The following TMEM135 variants were observed in gnomAD, a reference collection of about 807,000 sequenced individuals.
TMEM135 encodes the protein peroxisomal membrane protein 52.
Under a neutral mutation model 60.3 loss-of-function variants are expected in TMEM135, and 30 were observed. The ratio of observed to expected loss-of-function variants is 0.50; its 90% CI spans 0.37 to 0.68. The LOEUF (loss-of-function observed/expected upper bound fraction) is 0.68. Ranked by LOEUF, TMEM135 falls within the 30% of genes least tolerant of loss-of-function variation. The pLI is 0.00. For synonymous variants in TMEM135, 190 were observed against 186.7 expected, an observed-to-expected ratio of 1.02 and a Z score of -0.14; for missense variants, 468 against 548.8, an observed-to-expected ratio of 0.85 and a Z score of 1.47.
intron 6 of TMEM135, among the ~76,000 whole-genome samples, chr11:87,247,327 GTC>G (rs1941304495): frequency 6.6e-6 from 1 of 152,234 alleles, no homozygotes; most frequent in African/African-American, 2.4e-5. Context: ...TAAGGAGGCA[GTC>G]TGCCCGTTCT....
chr11:87,056,034 G>A (rs1334751613), intron 1 of TMEM135, among the ~76,000 whole-genome samples: 2 of 152,172 alleles, frequency 1.3e-5, no homozygotes, highest in Non-Finnish European at 2.9e-5. Context: ...GTCCACCCTA[G>A]GTACAATGCT....
intron 6 of TMEM135, among the ~76,000 whole-genome samples, chr11:87,247,220 C>G (rs1941300871): frequency 6.6e-6 from 1 of 152,108 alleles, no homozygotes; most frequent in Non-Finnish European, 1.5e-5. Context: ...GAAGTTTTGT[C>G]TCAGAGGAGT....
chr11:87,064,897 CA>C (rs1856618456), intron 1 of TMEM135, among the ~76,000 whole-genome samples: 1 of 151,182 alleles, frequency 6.6e-6, no homozygotes, highest in Non-Finnish European at 1.5e-5. Context: ...AAAAGAAACC[CA>C]AAAAAACAAT....
intron 6 of TMEM135, among the ~76,000 whole-genome samples, chr11:87,289,174 A>G (rs1177842593): frequency 6.6e-6 from 1 of 152,218 alleles, no homozygotes. Context: ...CTTTTAAAAA[A>G]TTGAGAAATA....
chr11:87,067,922 C>A, intron 2 of TMEM135, 101 bp downstream of exon 2: 4 of 1,435,916 alleles, frequency 2.8e-6, no homozygotes, highest in Non-Finnish European at 3.9e-6. Flanking sequence ...CTATCCCCGC[C>A]CCCCCTTTTT....
intron 5 of TMEM135, among the ~76,000 whole-genome samples, chr11:87,211,026 C>T (rs1277163434): frequency 3.3e-5 from 5 of 151,982 alleles, no homozygotes; most frequent in African/African-American, 1.2e-4. Context: ...TATGACAAAC[C>T]CATAGCCAAT....
intron 6 of TMEM135, among the ~76,000 whole-genome samples, chr11:87,270,545 AAAG>A (rs781555420): frequency 4.3e-4 from 66 of 152,172 alleles, no homozygotes; most frequent in Non-Finnish European, 7.2e-4. Context: ...ATATATAACT[AAAG>A]AACATTTCCT....
intron 6 of TMEM135, among the ~76,000 whole-genome samples, chr11:87,241,132 A>G (rs1941123892): frequency 6.6e-6 from 1 of 151,808 alleles, no homozygotes; most frequent in Non-Finnish European, 1.5e-5. Flanking sequence ...GATTTAGTTT[A>G]TCTATTTAAG....
chr11:87,328,564 A>G lies in TMEM135; in HGVS notation c.*7231A>G. On this transcript the variant is annotated 3_prime_UTR_variant, in exon 15 of 15. Coordinates refer to ENST00000305494, the MANE Select transcript of TMEM135 (RefSeq NM_022918.4). ...GTATACCCTTGTGTATCCATAGCTTAGCTCCCACTTACAGTTGAGAACATA... is the reference window on the plus strand; with the variant it reads ...GTATACCCTTGTGTATCCATAGCTTGGCTCCCACTTACAGTTGAGAACATA... The G allele has an allele frequency of 2.2e-6, 1 of 454,068 alleles. No individual in the cohort carries two copies. The highest frequency in any genetic ancestry group is 4.4e-6 in the Non-Finnish European group (1 of 226,784). 28.1% of individuals were successfully genotyped at this position (454,068 alleles called of 1,614,324 possible).
intron 6 of TMEM135, among the ~76,000 whole-genome samples, chr11:87,250,714 AT>A (rs1941397910): frequency 6.6e-6 from 1 of 152,194 alleles, no homozygotes. Context: ...TTTTAAAAAA[AT>A]ATTGCTTAAA....
At chr11:87,215,230 C>T (rs1940469808) in intron 5 of TMEM135, among the ~76,000 whole-genome samples, 1 of 152,088 alleles carries the variant, frequency 6.6e-6, no homozygotes, top group African/African-American at 2.4e-5. Flanking sequence ...CTTTGTTCTA[C>T]CTAAGTGATT....
chr11:87,294,198 T>C (rs893557754), intron 6 of TMEM135, among the ~76,000 whole-genome samples: 3 of 152,240 alleles, frequency 2.0e-5, no homozygotes, highest in African/African-American at 7.2e-5. Flanking sequence ...TTGCCCACTT[T>C]TTGATGGGGT....
chr11:87,140,158 C>T (rs1041517997), intron 4 of TMEM135, among the ~76,000 whole-genome samples: 4 of 152,054 alleles, frequency 2.6e-5, no homozygotes, highest in Non-Finnish European at 4.4e-5. Context: ...ACCTCTACCT[C>T]CCAGGTTCAA....
chr11:87,315,116 AC>A (rs776621957), intron 12 of TMEM135, among the ~76,000 whole-genome samples: 9 of 151,188 alleles, frequency 6.0e-5, no homozygotes, highest in Non-Finnish European at 1.0e-4. Context: ...TATAATAGTT[AC>A]CCCCCTACTA....
At chr11:87,159,593 G>GCGCGCACACACACACACACACACA (rs56665411) in intron 5 of TMEM135, among the ~76,000 whole-genome samples, 1 of 124,880 alleles carries the variant, frequency 8.0e-6, no homozygotes, top group African/African-American at 2.8e-5. Flanking sequence ...ACACACACGC[G>GCGCGCACACACACACACACACACA]CACACACACA....
chr11:87,262,120 G>T (rs2135402379), intron 6 of TMEM135, among the ~76,000 whole-genome samples: 1 of 151,954 alleles, frequency 6.6e-6, no homozygotes, highest in Admixed American at 6.5e-5. Flanking sequence ...CTTCTCAACA[G>T]ACATTTACAC....
intron 5 of TMEM135, among the ~76,000 whole-genome samples, chr11:87,159,617 A>ACACACACACACACACACACACACCCCCC (rs140303858): frequency 5.4e-5 from 8 of 149,456 alleles, no homozygotes; most frequent in African/African-American, 2.0e-4. Context: ...ACACACACAC[A>ACACACACACACACACACACACACCCCCC]CCATAGATTT....
At chr11:87,103,573 G>A (rs1857517347) in intron 4 of TMEM135, among the ~76,000 whole-genome samples, 1 of 147,238 alleles carries the variant, frequency 6.8e-6, no homozygotes. Flanking sequence ...TTGTAATTGT[G>A]TTAAATCCCT....
chr11:87,306,100 T>C, intron 9 of TMEM135, 95 bp downstream of exon 9: 5 of 730,288 alleles, frequency 6.8e-6, no homozygotes, highest in Non-Finnish European at 1.0e-5. Context: ...AATGGAAAAG[T>C]TGACATTAAT....
Sources: gnomAD v4.1 joint callset for allele counts (sites outside exome capture counted in the v4.1 genomes callset) on GRCh38, gnomAD v4.1.1 for gene constraint, MANE v1.5 for transcripts, NCBI Gene and HGNC (gene_info 2026-07-23, HGNC 2026-07-21) for gene names.